KCNQ3: variants seen among roughly 807,000 people sequenced by gnomAD.
KCNQ3 encodes potassium voltage-gated channel subfamily Q member 3.
A neutral mutation model predicts 92.5 loss-of-function variants in KCNQ3; 30 were observed. The ratio of observed to expected loss-of-function variants is 0.32; its 90% CI spans 0.24 to 0.44. The LOEUF (loss-of-function observed/expected upper bound fraction) is 0.44. Ranked by LOEUF, KCNQ3 falls within the 20% of genes least tolerant of loss-of-function variation. The pLI, the probability that KCNQ3 is intolerant of heterozygous loss-of-function variation, is 1.00. For synonymous variants in KCNQ3, 450 were observed against 468.8 expected, an observed-to-expected ratio of 0.96 and a Z score of 0.52; for missense variants, 913 against 1,140.3, an observed-to-expected ratio of 0.80 and a Z score of 2.87.
chr8:132,293,999 G>GTTT (rs61040125), intron 1 of KCNQ3, among the ~76,000 whole-genome samples: 7 of 87,828 alleles, frequency 8.0e-5, no homozygotes, highest in Admixed American at 1.4e-4. Context: ...GTGTGTGTGT[G>GTTT]GTTTTTTTTT....
At chr8:132,369,393 G>A (rs906690867) in intron 1 of KCNQ3, among the ~76,000 whole-genome samples, 5 of 152,086 alleles carry the variant, frequency 3.3e-5, no homozygotes, top group African/African-American at 1.2e-4. Context: ...AAATTCTTCT[G>A]CACTGGAGAT....
intron 1 of KCNQ3, among the ~76,000 whole-genome samples, chr8:132,318,274 T>C (rs548387766): frequency 6.6e-6 from 1 of 152,356 alleles, no homozygotes; most frequent in South Asian, 2.1e-4. Flanking sequence ...TAATTAATAG[T>C]ACAGGTTGTG....
At chr8:132,469,460 T>C (rs1003373192) in intron 1 of KCNQ3, among the ~76,000 whole-genome samples, 6 of 152,280 alleles carry the variant, frequency 3.9e-5, no homozygotes, top group Non-Finnish European at 8.8e-5. Flanking sequence ...AGTGTCCAAA[T>C]CACATAGTTA....
rs1421505344 is a variant in KCNQ3, at chr8:132,452,099, A to T, written c.386+28048T>A. On this transcript the variant is annotated intron_variant, in intron 1 of 14. Coordinates refer to ENST00000388996, the MANE Select transcript of KCNQ3 (RefSeq NM_004519.4). ...CTGTGCTAAAATATACATAACATAA[A>T]TTTTTATCATTTTAACCATTTTTAA... Among the ~76,000 whole-genome samples the T allele has an allele frequency of 3.3e-5, 5 of 152,174 alleles. No homozygotes were observed. The East Asian group carries it at 9.6e-4, about 29-fold the overall frequency.
chr8:132,276,872 C>T (rs1047684810), intron 1 of KCNQ3, among the ~76,000 whole-genome samples: 2 of 152,146 alleles, frequency 1.3e-5, no homozygotes, highest in African/African-American at 4.8e-5. Flanking sequence ...GTAATAATAA[C>T]ACCTATTTCA....
intron 1 of KCNQ3, among the ~76,000 whole-genome samples, chr8:132,211,769 A>G (rs953370674): frequency 6.6e-6 from 1 of 151,898 alleles, no homozygotes; most frequent in African/African-American, 2.4e-5. Context: ...TGACCAACAT[A>G]GTGACACCCC....
intron 1 of KCNQ3, among the ~76,000 whole-genome samples, chr8:132,444,210 T>C (rs1014853561): frequency 1.3e-5 from 2 of 152,148 alleles, no homozygotes; most frequent in African/African-American, 2.4e-5. Flanking sequence ...AGCCCATTTA[T>C]CTCATGTGAT....
intron 1 of KCNQ3, among the ~76,000 whole-genome samples, chr8:132,202,004 G>A (rs1827476843): frequency 1.3e-5 from 2 of 152,138 alleles, no homozygotes; most frequent in East Asian, 1.9e-4. Context: ...TTCATGGTAC[G>A]TTATCATGTA....
intron 1 of KCNQ3, among the ~76,000 whole-genome samples, chr8:132,376,908 A>G (rs1182171844): frequency 6.6e-6 from 1 of 152,158 alleles, no homozygotes. Flanking sequence ...CATCCACTCC[A>G]AATAATTGGA....
At chr8:132,153,743 C>A (rs900881971) in intron 9 of KCNQ3, among the ~76,000 whole-genome samples, 100 of 152,218 alleles carry the variant, frequency 6.6e-4, no homozygotes, top group African/African-American at 2.3e-3. Context: ...AGCCCCCCCC[C>A]CATTAACATG....
chr8:132,377,911 A>G (rs1285408003), intron 1 of KCNQ3, among the ~76,000 whole-genome samples: 7 of 152,228 alleles, frequency 4.6e-5, no homozygotes, highest in Non-Finnish European at 1.0e-4. Flanking sequence ...GTTAGACTGC[A>G]GCCCATAGGA....
At chr8:132,222,133 T>C (rs1305143719) in intron 1 of KCNQ3, among the ~76,000 whole-genome samples, 2 of 152,176 alleles carry the variant, frequency 1.3e-5, no homozygotes, top group Middle Eastern at 3.2e-3. Flanking sequence ...ACAGGCAACC[T>C]ACAGAATGGG....
chr8:132,456,461 G>A (rs947274341), intron 1 of KCNQ3, among the ~76,000 whole-genome samples: 2 of 59,932 alleles, frequency 3.3e-5, no homozygotes, highest in Non-Finnish European at 7.8e-5. Flanking sequence ...CTCGGGGATT[G>A]AGGGTGTGTG....
intron 11 of KCNQ3, among the ~76,000 whole-genome samples, chr8:132,139,838 C>T (rs561167093): frequency 3.9e-5 from 6 of 152,062 alleles, no homozygotes; most frequent in South Asian, 4.2e-4. Context: ...GGCTGTGGGG[C>T]GTGTTTATAA....
At chr8:132,352,389 A>G (rs755109429) in intron 1 of KCNQ3, among the ~76,000 whole-genome samples, 67 of 152,218 alleles carry the variant, frequency 4.4e-4, no homozygotes, top group Non-Finnish European at 5.0e-4. Context: ...ACATTCTACA[A>G]TGCACAGGAA....
chr8:132,294,006 T>G (rs1379260893), intron 1 of KCNQ3, among the ~76,000 whole-genome samples: 3 of 146,564 alleles, frequency 2.0e-5, no homozygotes, highest in Admixed American at 6.7e-5. Context: ...TGTGGTTTTT[T>G]TTTTTTTTTT....
At chr8:132,254,498 G>A (rs1408478114) in intron 1 of KCNQ3, among the ~76,000 whole-genome samples, 1 of 152,288 alleles carries the variant, frequency 6.6e-6, no homozygotes, top group South Asian at 2.1e-4. Flanking sequence ...TTGTTTATAT[G>A]TGTTTGTCTC....
chr8:132,375,656 T>G (rs1022931198), intron 1 of KCNQ3, among the ~76,000 whole-genome samples: 3 of 152,190 alleles, frequency 2.0e-5, no homozygotes, highest in Non-Finnish European at 4.4e-5. Context: ...CCTAGAACAT[T>G]GCCTCCCTCT....
At chr8:132,200,066 T>G (rs1827412894) in intron 1 of KCNQ3, among the ~76,000 whole-genome samples, 1 of 152,162 alleles carries the variant, frequency 6.6e-6, no homozygotes. Context: ...GGAACAAAAA[T>G]AAACTGTCTT....
Sources: gnomAD v4.1 joint callset for allele counts (sites outside exome capture counted in the v4.1 genomes callset) on GRCh38, gnomAD v4.1.1 for gene constraint, MANE v1.5 for transcripts, NCBI Gene and HGNC (gene_info 2026-07-23, HGNC 2026-07-21) for gene names.